Variants in FADS2 observed in about 807,000 individuals in gnomAD.
FADS2 encodes acyl-CoA 6-desaturase.
A neutral mutation model predicts 61.2 loss-of-function variants in FADS2; 18 were observed. The observed-to-expected ratio is 0.29, with a 90% CI of 0.20 to 0.44. FADS2 has a LOEUF of 0.44. Among genes scored for constraint, FADS2 ranks in the 20% least tolerant of loss-of-function variants. FADS2 has a pLI of 1.00. For synonymous variants in FADS2, 203 were observed against 223.9 expected, an observed-to-expected ratio of 0.91 and a Z score of 0.83; for missense variants, 322 against 572.7, an observed-to-expected ratio of 0.56 and a Z score of 4.47.
Position 61,837,873 on chromosome 11 carries a change from G to T in FADS2, c.303G>T (p.Gln101His). The T allele has an allele frequency of 6.2e-7, 1 of 1,613,194 alleles. No homozygotes were observed. The highest frequency in any genetic ancestry group is 8.5e-7 in the Non-Finnish European group (1 of 1,179,444). ...AACTGGCCCCGGAGGAGCCCAGCCAGGACCACGGCAAGAACGTAAGTCTGG... is the reference window on the plus strand; with the variant it reads ...AACTGGCCCCGGAGGAGCCCAGCCATGACCACGGCAAGAACGTAAGTCTGG... ...IGELAPEEPSQDHGKNSKITE... is the reference protein window; with the variant it reads ...IGELAPEEPSHDHGKNSKITE... Residue 101 changes from glutamine (Q) to histidine (H), a missense_variant, in exon 2 of 12, where the codon CAG becomes CAT. Physicochemically the swap from Gln to His is conservative, Grantham distance 24. Transcript: ENST00000278840.
At chr11:61,837,591 G>A (rs1217129487) in intron 1 of FADS2, among the ~76,000 whole-genome samples, 187 bp from the exon 2 acceptor site, 1 of 152,216 alleles carries the variant, frequency 6.6e-6, no homozygotes. Flanking sequence ...TGTTGCCATT[G>A]GCGTTGGGCA....
rs756544064 is a variant in FADS2 at position 61,840,418 on chromosome 11, C to A, written c.403C>A (p.Leu135Ile). The change falls in exon 3 of 12, where the codon CTC (leucine) becomes ATC (isoleucine). Residue 135 changes from leucine to isoleucine, a missense_variant. By Grantham distance (5) the Leu-to-Ile change is conservative. This residue lies in a region of FADS2 where 221 missense variants were observed against 427.9 expected (regional missense o/e 0.52). Coordinates refer to ENST00000278840, the MANE Select transcript of FADS2 (RefSeq NM_004265.4). ...LFKTNHVFFLLLLAHIIALES... is the reference protein window; with the variant it reads ...LFKTNHVFFLILLAHIIALES... ...CAAGACCAACCACGTGTTCTTCCTC[C>A]TCCTCCTGGCCCACATCATCGCCCT... The A allele has an allele frequency of 6.2e-7, 1 of 1,614,200 alleles. No homozygotes were observed. The highest frequency in any genetic ancestry group is 8.5e-7 in the Non-Finnish European group (1 of 1,180,016).
upstream of FADS2, chr11:61,816,207 T>C (rs1375048002): frequency 4.5e-6 from 7 of 1,558,398 alleles, no homozygotes; most frequent in East Asian, 1.6e-4. This position sits in a 1 kb window ranked among gnomAD's most constrained non-coding sequence, Gnocchi z 7.0. Flanking sequence ...GCCTGCATCC[T>C]TGCTCTCCTC....
intron 7 of FADS2, among the ~76,000 whole-genome samples, chr11:61,860,200 G>T (rs368882035): frequency 1.3e-5 from 2 of 152,336 alleles, no homozygotes; most frequent in South Asian, 2.1e-4. Context: ...TCTGGTGGGC[G>T]TCTAGCCAGG....
chr11:61,853,242 T>C (rs1475497743), intron 5 of FADS2, among the ~76,000 whole-genome samples: 8 of 115,916 alleles, frequency 6.9e-5, no homozygotes, highest in Non-Finnish European at 5.5e-5. Context: ...TCTTTCTTTC[T>C]TTCTCTCTCT....
chr11:61,847,810 A>G lies in FADS2; in HGVS notation c.619-349A>G. 1.3e-5 allele frequency: 4 copies of G among 305,302 alleles called. No individual in the cohort carries two copies. In the South Asian group the frequency reaches 1.4e-4, roughly 10 times the overall value. 18.9% of individuals were successfully genotyped at this position (305,302 alleles called of 1,614,324 possible). On this transcript the variant is annotated intron_variant, in intron 4 of 11. Transcript: ENST00000278840. ...TCACTGTCCCTGAAACCTCGGCTTT[A>G]CCTTGCACAGCTCTGGTTCCACACC...
intron 7 of FADS2, 33 bp downstream of exon 7, chr11:61,857,563 G>T: frequency 6.3e-7 from 1 of 1,584,318 alleles, no homozygotes; most frequent in Non-Finnish European, 8.7e-7. Flanking sequence ...TTGGCATGGG[G>T]AGGAGGGTGA....
At chr11:61,824,459 G>GGA (rs1157000186), upstream of FADS2, among the ~76,000 whole-genome samples, 14 of 5,864 alleles carry the variant, frequency 2.4e-3, no homozygotes, top group African/African-American at 6.6e-3. Flanking sequence ...AGGGAGGGAG[G>GGA]GAGAGAGAGA....
chr11:61,829,828 C>T (rs951694764), intron 1 of FADS2, among the ~76,000 whole-genome samples: 1 of 152,126 alleles, frequency 6.6e-6, no homozygotes, highest in Non-Finnish European at 1.5e-5. Context: ...CTTAACTTCC[C>T]CACCTCTTGC....
chr11:61,828,044 CG>C (rs1286800469), upstream of FADS2: 5 of 1,166,708 alleles, frequency 4.3e-6, no homozygotes, highest in Non-Finnish European at 5.3e-6. The surrounding 1 kb of genome is among the most constrained non-coding windows in gnomAD (Gnocchi z 6.4). Context: ...GAACCCGAGG[CG>C]GGGGGAGCCG....
upstream of FADS2, among the ~76,000 whole-genome samples, chr11:61,824,386 G>GA (rs1213150632): frequency 2.0e-4 from 23 of 115,456 alleles, no homozygotes; most frequent in East Asian, 5.1e-4. Flanking sequence ...CATCTTGGGG[G>GA]AAAAAAAAAG....
chr11:61,853,313 T>TTCCTTCCG (rs2135972329), intron 5 of FADS2, among the ~76,000 whole-genome samples: 1 of 131,886 alleles, frequency 7.6e-6, no homozygotes, highest in South Asian at 2.9e-4. Flanking sequence ...CCTTCCTTCC[T>TTCCTTCCG]TCCTTCCTTC....
chr11:61,816,504 A>C lies in FADS2; in HGVS notation c.141+78A>C, dbSNP rs754218826. The C allele has an allele frequency of 1.3e-6, 2 of 1,599,248 alleles. No homozygotes were observed. The highest frequency in any genetic ancestry group is 3.4e-5 in the Admixed American group (2 of 58,486). On this transcript the variant is annotated intron_variant, in intron 1 of 11. Coordinates refer to the FADS2 transcript ENST00000257261. The surrounding 1 kb of genome is among the most constrained non-coding windows in gnomAD (Gnocchi z 7.0). ...GAGTGCGTAACTCTGTCTCCCCTGCACTCAGCCTCCGGTCCCGCCCTCTCC... is the reference window on the plus strand; with the variant it reads ...GAGTGCGTAACTCTGTCTCCCCTGCCCTCAGCCTCCGGTCCCGCCCTCTCC...
At chr11:61,824,432 GAGGGAGGGAGGGAGGGAGGGAGGGAGGGA>G (rs2067057205), upstream of FADS2, among the ~76,000 whole-genome samples, 1 of 3,042 alleles carries the variant, frequency 3.3e-4, no homozygotes, top group Non-Finnish European at 9.2e-4. Context: ...GAGAGAGAGA[GAGGGAGGGAGGGAGGGAGGGAGGGAGGGA>G]GAGAGAGAGA....
rs2067465766 is a variant in FADS2 at position 61,865,994 on chromosome 11, ACT to A, written c.*310_*311del. ...CCGGGGGTGGCTCTGTCCTACCTCC[ACT>A]CTCTGCCCCTAAAGATGGGAGGAGA... On this transcript the variant is annotated 3_prime_UTR_variant, in exon 12 of 12. Transcript: ENST00000278840. This position sits in a 1 kb window ranked among gnomAD's most constrained non-coding sequence, Gnocchi z 4.1. 2.1e-6 allele frequency: 1 copy of A among 467,490 alleles called. No homozygotes were observed. Among genetic ancestry groups the A allele is most frequent in the Admixed American group, 3.6e-5 (1 of 28,100 alleles). 29.0% of individuals were successfully genotyped at this position (467,490 alleles called of 1,614,324 possible). A position where few individuals can be genotyped will look rare whatever the true frequency, so the allele number is the denominator to read the frequency against.
intron 1 of FADS2, among the ~76,000 whole-genome samples, chr11:61,822,489 C>A (rs909614978): frequency 3.9e-5 from 6 of 152,122 alleles, no homozygotes; most frequent in African/African-American, 9.7e-5. Context: ...ATAAGGCCAC[C>A]CTGGTTCAAA....
intron 1 of FADS2, among the ~76,000 whole-genome samples, chr11:61,831,244 T>A (rs2067126099): frequency 6.6e-6 from 1 of 152,112 alleles, no homozygotes; most frequent in Non-Finnish European, 1.5e-5. Context: ...GTTGAGCAAG[T>A]GGCTTTGCCC....
intron 1 of FADS2, chr11:61,817,067 G>A: frequency 9.5e-7 from 1 of 1,051,710 alleles, no homozygotes; most frequent in Non-Finnish European, 1.3e-6. Flanking sequence ...CTGACGTCAG[G>A]CGGGCATCGC....
At chr11:61,822,694 A>G (rs996004138) in intron 1 of FADS2, among the ~76,000 whole-genome samples, 3 of 152,230 alleles carry the variant, frequency 2.0e-5, no homozygotes, top group Non-Finnish European at 2.9e-5. Context: ...ACTTTCCAGT[A>G]CAAATGATCT....
Sources: allele counts gnomAD v4.1 joint callset (sites outside exome capture counted in the v4.1 genomes callset), GRCh38; gene constraint gnomAD v4.1.1; regional missense constraint gnomAD v4.1.1; non-coding constraint Gnocchi (gnomAD v3.1); transcripts MANE v1.5; gene names NCBI Gene and HGNC (gene_info 2026-07-23, HGNC 2026-07-21).